The following FAM83B variants were observed in gnomAD, a reference collection of about 807,000 sequenced individuals.
The protein encoded by FAM83B is protein FAM83B.
Under a neutral mutation model 38.8 loss-of-function variants are expected in FAM83B, and 26 were observed. The observed-to-expected ratio is 0.67, with a 90% CI of 0.49 to 0.93. The LOEUF is 0.93. FAM83B is among the 40% of genes least tolerant of loss of function. The pLI is 0.00. For missense variants in FAM83B, 1,237 were observed against 1,197.3 expected (o/e 1.03, Z -0.49); for synonymous variants, 419 against 423.1 (o/e 0.99, Z 0.12).
chr6:54,939,622 T>A (rs1172591743), intron 4 of FAM83B, 84 bp from the exon 5 acceptor site: 1 of 1,260,834 alleles, frequency 7.9e-7, no homozygotes, highest in Non-Finnish European at 1.1e-6. Flanking sequence ...AAAAACATAG[T>A]CATTAAGTGA....
At chr6:54,880,302 T>C (rs1227004395) in intron 2 of FAM83B, among the ~76,000 whole-genome samples, 1 of 152,236 alleles carries the variant, frequency 6.6e-6, no homozygotes, top group East Asian at 1.9e-4. Context: ...TTCCACCTGT[T>C]TACTCTTTAA....
In FAM83B at chr6:54,865,835, A is replaced by T. The variant is rs1454034356; in HGVS notation, c.-60-4352A>T. Among the ~76,000 whole-genome samples, 3 of 152,260 alleles carry T rather than the reference A, an allele frequency of 2.0e-5. No individual in the cohort carries two copies. In the East Asian group the frequency reaches 5.8e-4, roughly 29 times the overall value. The stretch of plus-strand genomic sequence containing the variant: ...GGTTGTTTTATACTGCAGATGATTA[A>T]ATAGTTACAAATTGTATGATATTGC... On this transcript the variant is annotated intron_variant, in intron 1 of 4. Transcript: ENST00000306858.
chr6:54,854,620 C>T (rs1328524875), intron 1 of FAM83B, among the ~76,000 whole-genome samples: 4 of 152,170 alleles, frequency 2.6e-5, no homozygotes, highest in African/African-American at 9.7e-5. Context: ...TGCTATTGCA[C>T]ACTTAATAAG....
intron 2 of FAM83B, among the ~76,000 whole-genome samples, chr6:54,925,019 C>T (rs1257015743): frequency 6.6e-6 from 1 of 152,162 alleles, no homozygotes; most frequent in Non-Finnish European, 1.5e-5. Context: ...CTTTTAGTGA[C>T]TTTAAGACAT....
intron 2 of FAM83B, among the ~76,000 whole-genome samples, chr6:54,907,947 A>G (rs1772810858): frequency 6.6e-6 from 1 of 152,112 alleles, no homozygotes; most frequent in Admixed American, 6.5e-5. Flanking sequence ...TATGATGTAG[A>G]ACTCTGTTAT....
intron 1 of FAM83B, among the ~76,000 whole-genome samples, chr6:54,856,978 A>G (rs1449643204): frequency 2.0e-5 from 3 of 152,204 alleles, no homozygotes; most frequent in Admixed American, 6.5e-5. Context: ...CACTTACACA[A>G]TTGGCACAAA....
chr6:54,877,345 C>T (rs1217182451), intron 2 of FAM83B, among the ~76,000 whole-genome samples: 1 of 152,144 alleles, frequency 6.6e-6, no homozygotes, highest in Non-Finnish European at 1.5e-5. Context: ...TCTGTCCTCT[C>T]AATGAGATGT....
At chr6:54,891,747 A>T (rs1044445003) in intron 2 of FAM83B, among the ~76,000 whole-genome samples, 4 of 152,208 alleles carry the variant, frequency 2.6e-5, no homozygotes, top group Non-Finnish European at 4.4e-5. Flanking sequence ...AGTATCTTGG[A>T]ATCACATAAT....
At chr6:54,911,593 T>A (rs1482489866) in intron 2 of FAM83B, among the ~76,000 whole-genome samples, 3 of 152,140 alleles carry the variant, frequency 2.0e-5, no homozygotes, top group Non-Finnish European at 4.4e-5. Flanking sequence ...GGCTTTTTTG[T>A]ATTTCGTAAG....
intron 2 of FAM83B, among the ~76,000 whole-genome samples, chr6:54,915,844 C>G (rs1231310454): frequency 1.4e-5 from 2 of 140,798 alleles, no homozygotes; most frequent in Non-Finnish European, 3.0e-5. Context: ...AAAAGAAACT[C>G]ACATTTCTAA....
At chr6:54,937,865 AT>A (rs914728676) in intron 4 of FAM83B, among the ~76,000 whole-genome samples, 5 of 151,758 alleles carry the variant, frequency 3.3e-5, no homozygotes, top group Non-Finnish European at 4.4e-5. Flanking sequence ...ATTTTTCTTT[AT>A]TTTTTTTAAC....
intron 2 of FAM83B, among the ~76,000 whole-genome samples, chr6:54,901,272 G>A (rs1213374420): frequency 1.3e-5 from 2 of 152,062 alleles, no homozygotes; most frequent in African/African-American, 4.8e-5. Flanking sequence ...ACTCCAGTGG[G>A]ACAGGGGAAT....
At chr6:54,910,171 A>G (rs1464424974) in intron 2 of FAM83B, among the ~76,000 whole-genome samples, 1 of 152,192 alleles carries the variant, frequency 6.6e-6, no homozygotes, top group Admixed American at 6.5e-5. Flanking sequence ...TGTTTCATAG[A>G]TGGCTGGAAC....
intron 1 of FAM83B, among the ~76,000 whole-genome samples, chr6:54,868,862 C>T (rs1771778804): frequency 6.6e-6 from 1 of 152,172 alleles, no homozygotes; most frequent in Non-Finnish European, 1.5e-5. Context: ...CTTTGTAAAA[C>T]TTCTGAGCCC....
At chr6:54,860,057 G>A (rs1771540649) in intron 1 of FAM83B, among the ~76,000 whole-genome samples, 1 of 152,078 alleles carries the variant, frequency 6.6e-6, no homozygotes, top group Non-Finnish European at 1.5e-5. Flanking sequence ...GTGTGTGTGT[G>A]TGTGTGTGTG....
chr6:54,880,704 A>G (rs1772115372), intron 2 of FAM83B, among the ~76,000 whole-genome samples: 1 of 152,128 alleles, frequency 6.6e-6, no homozygotes, highest in Non-Finnish European at 1.5e-5. Flanking sequence ...CGGCCTCCCC[A>G]GGTGCTGGGA....
chr6:54,873,540 A>G (rs1266698363), intron 2 of FAM83B, among the ~76,000 whole-genome samples: 1 of 152,122 alleles, frequency 6.6e-6, no homozygotes, highest in African/African-American at 2.4e-5. Flanking sequence ...ATGGGAGCCT[A>G]ATAGTCATCA....
In FAM83B at chr6:54,944,977, C is replaced by T. The variant is rs1214098064; in HGVS notation, c.*2970C>T. On this transcript the variant is annotated 3_prime_UTR_variant, in exon 5 of 5. Transcript: ENST00000306858. ...GTCCTGGGCTCAAACGATCCTCCAG[C>T]CTCAGGTTCCTGAGTAGCTCAACAT... is the stretch of plus-strand genomic sequence containing the variant. 6.6e-6 allele frequency: 1 copy of T among 152,102 alleles called. No individual in the cohort carries two copies. The highest frequency in any genetic ancestry group is 2.4e-5 in the African/African-American group (1 of 41,408). 9.4% of individuals were successfully genotyped at this position (152,102 alleles called of 1,614,324 possible).
chr6:54,867,467 A>G (rs955897251), intron 1 of FAM83B, among the ~76,000 whole-genome samples: 4 of 152,062 alleles, frequency 2.6e-5, no homozygotes, highest in Non-Finnish European at 5.9e-5. Flanking sequence ...TATAAAGTAT[A>G]TTTAGTAGTA....
Sources: gnomAD v4.1 joint callset for allele counts (sites outside exome capture counted in the v4.1 genomes callset) on GRCh38, gnomAD v4.1.1 for gene constraint, MANE v1.5 for transcripts, NCBI Gene and HGNC (gene_info 2026-07-23, HGNC 2026-07-21) for gene names.